Variants in COPA observed in about 807,000 individuals in gnomAD.
The protein encoded by COPA is coatomer subunit alpha.
In COPA, 10 loss-of-function variants were observed where a neutral mutation model predicts 158.7. The observed-to-expected ratio is 0.06, with a 90% CI of 0.04 to 0.11. COPA has a LOEUF of 0.11. Ranked by LOEUF, COPA falls within the 10% of genes least tolerant of loss-of-function variation. COPA has a pLI of 1.00. For synonymous variants in COPA, 462 were observed against 542.8 expected, an observed-to-expected ratio of 0.85 and a Z score of 2.07; for missense variants, 1,065 against 1,536.7, an observed-to-expected ratio of 0.69 and a Z score of 5.13.
At chr1:160,325,483 A>G in intron 7 of COPA, 60 bp downstream of exon 7, 1 of 1,349,516 alleles carries the variant, frequency 7.4e-7, no homozygotes. Flanking sequence ...AATGAACAAC[A>G]TACTGTGACT....
At chr1:160,301,159 A>G (rs1249744872) in intron 17 of COPA, among the ~76,000 whole-genome samples, 1 of 152,116 alleles carries the variant, frequency 6.6e-6, no homozygotes, top group Non-Finnish European at 1.5e-5. Flanking sequence ...CAAAAAAAAT[A>G]AAAAATAAAA....
rs542299859 is a variant in COPA at position 160,337,291 on chromosome 1, C to T, written c.229-1969G>A. ...GGCTCCTTGTCTTACTCTTTGTCAA[C>T]GAGGATTATAACTAATGCTACATTT... On this transcript the variant is annotated intron_variant, in intron 3 of 32. Transcript: ENST00000241704. Among the ~76,000 whole-genome samples, 7 of 152,270 alleles carry T rather than the reference C, an allele frequency of 4.6e-5. No individual in the cohort carries two copies. In the South Asian group the frequency reaches 8.3e-4, roughly 18 times the overall value.
rs2101880218 is a variant in COPA, at chr1:160,339,963, G to A, written c.174C>T (p.Asp58=). The A allele has an allele frequency of 2.5e-6, 4 of 1,614,088 alleles. No individual in the cohort carries two copies. The highest frequency in any genetic ancestry group is 3.4e-6 in the Non-Finnish European group (4 of 1,179,962). The change falls in exon 3 of 33, where the codon GAC becomes GAT. Residue 58 remains aspartate, a synonymous_variant. Transcript: ENST00000241704. ...DEHDGPVRGI[D]FHKQQPLFVS... is the part of the protein sequence containing the mutation. ...CGAACAGTGGCTGCTGCTTATGGAA[G>A]TCAATGCCTCGCACTGGACCTGGTG...
intron 27 of COPA, 58 bp downstream of exon 27, chr1:160,293,108 C>T: frequency 6.5e-7 from 1 of 1,527,456 alleles, no homozygotes; most frequent in South Asian, 1.1e-5. Flanking sequence ...AATGAGTCAA[C>T]CATCTCCCGG....
chr1:160,323,299 C>T (rs941299275), intron 8 of COPA, 132 bp downstream of exon 8: 60 of 467,164 alleles, frequency 1.3e-4, no homozygotes, highest in Non-Finnish European at 1.9e-4. Flanking sequence ...AAAATAATTT[C>T]TATGCTCCTG....
At chr1:160,331,948 A>G (rs973542060) in intron 6 of COPA, among the ~76,000 whole-genome samples, 1 of 152,008 alleles carries the variant, frequency 6.6e-6, no homozygotes, top group Non-Finnish European at 1.5e-5. Context: ...ACTCCCTCTC[A>G]GAAAAAAAAA....
At chr1:160,333,755 TA>T in intron 4 of COPA, 76 bp from the exon 5 acceptor site, 1 of 1,194,538 alleles carries the variant, frequency 8.4e-7, no homozygotes, top group South Asian at 1.3e-5. Flanking sequence ...CATTTTTCTC[TA>T]AAGAACTGCA....
intron 9 of COPA, 75 bp downstream of exon 9, chr1:160,313,915 C>G (rs1482664146): frequency 1.5e-6 from 2 of 1,344,548 alleles, no homozygotes; most frequent in Non-Finnish European, 2.0e-6. Flanking sequence ...TGATGAGAGA[C>G]ATAAAGAAGT....
intron 5 of COPA, 22 bp from the exon 6 acceptor site, chr1:160,332,579 A>G: frequency 2.6e-6 from 4 of 1,533,524 alleles, no homozygotes; most frequent in Non-Finnish European, 3.6e-6. Flanking sequence ...AAAAAAGACA[A>G]TACCAAATTA....
chr1:160,340,254 A>T lies in COPA; in HGVS notation c.81T>A (p.Ser27Arg). Residue 27 changes from serine to arginine, a missense_variant, in exon 2 of 33, where the codon AGT becomes AGA. Ser to Arg is a moderately radical substitution (Grantham distance 110). Transcript: ENST00000241704. ...FHPKRPWILT[S>R]LHNGVIQLWD... is the part of the protein sequence containing the mutation. ...ATAACTGGATGACCCCATTATGTAA[A>T]CTAGTCAGGATCCAAGGTCTTTTGG... is the stretch of plus-strand genomic sequence containing the variant. The T allele has an allele frequency of 6.2e-7, 1 of 1,613,762 alleles. No individual in the cohort carries two copies. Among genetic ancestry groups the T allele is most frequent in the Non-Finnish European group, 8.5e-7 (1 of 1,179,932 alleles).
At chr1:160,309,019 G>A (rs1417949279) in intron 13 of COPA, 82 bp downstream of exon 13, 7 of 1,121,570 alleles carry the variant, frequency 6.2e-6, no homozygotes, top group Admixed American at 1.7e-5. Flanking sequence ...CTTGGGGATG[G>A]AATGTGAAAA....
rs552955743 is a variant in COPA, at chr1:160,321,473, GATACAAAATCAAC to G, written c.706+1945_706+1957del. ...AATGATAAATTCAGTCCAGCTGCGG[GATACAAAATCAAC>G]ATACAAAAATCAGTAGCATGACCAG... On this transcript the variant is annotated intron_variant, in intron 8 of 32. Coordinates refer to ENST00000241704, the MANE Select transcript of COPA (RefSeq NM_004371.4). Among the ~76,000 whole-genome samples the G allele has an allele frequency of 1.9e-3, 292 of 152,254 alleles. 2 individuals are homozygous for G. The highest frequency in any genetic ancestry group is 5.9e-3 in the African/African-American group (245 of 41,560).
At chr1:160,317,550 A>T (rs968629093) in intron 8 of COPA, 4 of 1,606,714 alleles carry the variant, frequency 2.5e-6, no homozygotes, top group Non-Finnish European at 3.4e-6. Context: ...TCAAAGAATC[A>T]TACTGTCAAA....
At chr1:160,338,924 T>C (rs1418428734) in intron 3 of COPA, among the ~76,000 whole-genome samples, 2 of 152,180 alleles carry the variant, frequency 1.3e-5, no homozygotes, top group Non-Finnish European at 2.9e-5. Context: ...AAATCACAAA[T>C]ATATTTCTAG....
chr1:160,327,840 A>G (rs1647329641), intron 6 of COPA, among the ~76,000 whole-genome samples: 1 of 152,262 alleles, frequency 6.6e-6, no homozygotes, highest in Admixed American at 6.5e-5. Flanking sequence ...CCTGGGCAAC[A>G]GAGTGAAACT....
At chr1:160,294,646 C>A in intron 24 of COPA, 53 bp from the exon 25 acceptor site, 1 of 1,605,662 alleles carries the variant, frequency 6.2e-7, no homozygotes, top group Non-Finnish European at 8.5e-7. Flanking sequence ...ATAATCTTAG[C>A]CAAAGGAAGT....
At chr1:160,300,463 T>A (rs1200240915) in intron 17 of COPA, among the ~76,000 whole-genome samples, 2 of 151,880 alleles carry the variant, frequency 1.3e-5, no homozygotes, top group African/African-American at 2.4e-5. Context: ...ACACCTATAG[T>A]CCTATAATGG....
chr1:160,299,637 TAAAA>T (rs1449792898), intron 17 of COPA, among the ~76,000 whole-genome samples: 1 of 152,110 alleles, frequency 6.6e-6, no homozygotes. Flanking sequence ...AAAGAAATAA[TAAAA>T]AACAAAGTAT....
chr1:160,300,974 C>T (rs893862657), intron 17 of COPA, among the ~76,000 whole-genome samples: 1 of 151,896 alleles, frequency 6.6e-6, no homozygotes, highest in Non-Finnish European at 1.5e-5. Context: ...CAAAATTAGC[C>T]AGGCGTAATG....
Sources: gnomAD v4.1 joint callset for allele counts (sites outside exome capture counted in the v4.1 genomes callset) on GRCh38, gnomAD v4.1.1 for gene constraint, MANE v1.5 for transcripts, NCBI Gene and HGNC (gene_info 2026-07-23, HGNC 2026-07-21) for gene names.